The following DLGAP2 variants were observed in gnomAD, a reference collection of about 807,000 sequenced individuals.
The protein encoded by DLGAP2 is DLG associated protein 2, also known as disks large-associated protein 2.
Under a neutral mutation model 100.3 loss-of-function variants are expected in DLGAP2, and 26 were observed. The ratio of observed to expected loss-of-function variants is 0.26; its 90% CI spans 0.19 to 0.36. The LOEUF (loss-of-function observed/expected upper bound fraction) is 0.36, where lower values mean the gene tolerates loss of function less well. Ranked by LOEUF, DLGAP2 falls within the 10% of genes least tolerant of loss-of-function variation. The pLI, the probability that DLGAP2 is intolerant of heterozygous loss-of-function variation, is 1.00. For synonymous variants in DLGAP2, 886 were observed against 630.1 expected, an observed-to-expected ratio of 1.41 and a Z score of -6.08; for missense variants, 1,858 against 1,453.2, an observed-to-expected ratio of 1.28 and a Z score of -4.53.
intron 1 of DLGAP2, among the ~76,000 whole-genome samples, chr8:841,580 T>G (rs1295666640): frequency 6.6e-6 from 1 of 151,592 alleles, no homozygotes; most frequent in Admixed American, 6.6e-5. Flanking sequence ...TACATGTGAT[T>G]TTTTTTTTGA....
At chr8:923,463 C>G (rs1294195152) in intron 2 of DLGAP2, among the ~76,000 whole-genome samples, 1 of 152,190 alleles carries the variant, frequency 6.6e-6, no homozygotes, top group African/African-American at 2.4e-5. Context: ...TACCTTCCGC[C>G]CAGGAGCTGG....
intron 2 of DLGAP2, among the ~76,000 whole-genome samples, chr8:908,471 A>G (rs1406232492): frequency 1.3e-5 from 2 of 152,122 alleles, no homozygotes; most frequent in African/African-American, 2.4e-5. Flanking sequence ...GAAGTGGGAG[A>G]TGCATCTCTG....
intron 8 of DLGAP2, among the ~76,000 whole-genome samples, chr8:1,637,051 G>A (rs946544963): frequency 5.9e-5 from 9 of 152,310 alleles, no homozygotes; most frequent in African/African-American, 1.4e-4. Flanking sequence ...AGGAATACCC[G>A]TCTGGCCGCC....
intron 1 of DLGAP2, among the ~76,000 whole-genome samples, chr8:878,273 A>G (rs1797721928): frequency 6.6e-6 from 1 of 152,152 alleles, no homozygotes. Flanking sequence ...AGAATACGGG[A>G]TATAGAACAG....
At chr8:904,792 C>T (rs1415587946) in intron 1 of DLGAP2, among the ~76,000 whole-genome samples, 1 of 152,250 alleles carries the variant, frequency 6.6e-6, no homozygotes, top group East Asian at 1.9e-4. Context: ...TGATCTTTCT[C>T]AGCTGCTAAA....
Position 1,193,591 on chromosome 8 carries a change from A to G in DLGAP2, c.74-65260A>G, listed in dbSNP as rs147924568. ...AAGCTGGATATACGCTGCTGTGTCC[A>G]CACACCACCCCATTATCTGTGTGTC... On this transcript the variant is annotated intron_variant, in intron 2 of 14. Transcript: ENST00000637795. Among the ~76,000 whole-genome samples, 542 of 152,278 alleles carry G rather than the reference A, an allele frequency of 3.6e-3. 6 individuals are homozygous for G. The highest frequency in any genetic ancestry group is 0.012 in the African/African-American group (492 of 41,568).
At chr8:1,307,181 C>T (rs1429180793) in intron 3 of DLGAP2, among the ~76,000 whole-genome samples, 1 of 77,756 alleles carries the variant, frequency 1.3e-5, no homozygotes. Flanking sequence ...ATTTAAATAA[C>T]TACAACAGCA....
At chr8:1,597,252 G>T (rs1240010997) in intron 6 of DLGAP2, among the ~76,000 whole-genome samples, 3 of 152,090 alleles carry the variant, frequency 2.0e-5, no homozygotes, top group African/African-American at 7.2e-5. Context: ...GTACCATCCT[G>T]TTTGGTTACT....
At chr8:931,994 A>G (rs1309445165) in intron 2 of DLGAP2, among the ~76,000 whole-genome samples, 1 of 152,142 alleles carries the variant, frequency 6.6e-6, no homozygotes, top group Non-Finnish European at 1.5e-5. Flanking sequence ...TTATTTGTTA[A>G]TCTTTCTTTT....
intron 2 of DLGAP2, among the ~76,000 whole-genome samples, chr8:954,218 C>T (rs113090617): frequency 3.9e-5 from 6 of 152,222 alleles, no homozygotes; most frequent in African/African-American, 1.4e-4. Flanking sequence ...TGAGAAAATT[C>T]GAGATCTATT....
Position 1,464,346 on chromosome 8 carries a change from ACGGCACCC to A in DLGAP2, c.107-37019_107-37012del, listed in dbSNP as rs1402282048. 5.0e-3 allele frequency among the ~76,000 whole-genome samples: 743 copies of A among 149,534 alleles called. 53 individuals are homozygous for A. The highest frequency in any genetic ancestry group is 6.9e-3 in the Middle Eastern group (2 of 288). Reference sequence around the variant, plus strand: ...CCTTCCAGGACGGCACCCTTCCAGGACGGCACCCTTCCAGGACAACGCCCTTCCAGGAT... The same window carrying A: ...CCTTCCAGGACGGCACCCTTCCAGGATTCCAGGACAACGCCCTTCCAGGAT... On this transcript the variant is annotated intron_variant, in intron 3 of 14. Coordinates refer to ENST00000637795, the MANE Select transcript of DLGAP2 (RefSeq NM_001346810.2).
chr8:1,497,684 C>T (rs767493545), intron 3 of DLGAP2, among the ~76,000 whole-genome samples: 8 of 152,182 alleles, frequency 5.3e-5, no homozygotes, highest in Non-Finnish European at 8.8e-5. Flanking sequence ...TATGGCCTGT[C>T]CAGGCGAACA....
chr8:1,024,550 T>C (rs543149258), intron 2 of DLGAP2, among the ~76,000 whole-genome samples: 1 of 152,178 alleles, frequency 6.6e-6, no homozygotes, highest in Admixed American at 6.5e-5. Context: ...GGGGCGGCTC[T>C]TCCCCCGCTG....
At chr8:784,552 A>G (rs1474127422) in intron 1 of DLGAP2, among the ~76,000 whole-genome samples, 1 of 152,238 alleles carries the variant, frequency 6.6e-6, no homozygotes, top group Non-Finnish European at 1.5e-5. Flanking sequence ...TCAAGTTGAT[A>G]TGGTGGATTG....
chr8:1,583,829 C>T (rs1005444683), intron 6 of DLGAP2, among the ~76,000 whole-genome samples: 3 of 152,100 alleles, frequency 2.0e-5, no homozygotes, highest in Non-Finnish European at 4.4e-5. Flanking sequence ...TTTGCCTGAT[C>T]CCAGTGCAGA....
chr8:1,251,079 T>A (rs1799028884), intron 2 of DLGAP2, among the ~76,000 whole-genome samples: 3 of 152,214 alleles, frequency 2.0e-5, no homozygotes, highest in African/African-American at 7.2e-5. Context: ...AATTAGAAAT[T>A]AACCCATGTT....
At position 1,567,604 on chromosome 8, in the gene DLGAP2, A is replaced by G. The variant is rs573415126; in HGVS notation, c.1442+1710A>G. Reference sequence around the variant, plus strand: ...CTGCCACGGGTCCCCCAGGATCATTATCACCTCATTCTTCAGTGGCAGAGA... The same window carrying G: ...CTGCCACGGGTCCCCCAGGATCATTGTCACCTCATTCTTCAGTGGCAGAGA... On this transcript the variant is annotated intron_variant, in intron 6 of 14. Transcript: ENST00000637795. Among the ~76,000 whole-genome samples the G allele has an allele frequency of 1.1e-4, 16 of 152,306 alleles. No individual in the cohort carries two copies. In the East Asian group the frequency reaches 2.5e-3, roughly 24 times the overall value.
intron 3 of DLGAP2, among the ~76,000 whole-genome samples, chr8:1,264,944 G>T (rs1434976320): frequency 6.6e-6 from 1 of 152,134 alleles, no homozygotes; most frequent in African/African-American, 2.4e-5. Context: ...CCCTGCACAT[G>T]GTCTCTTGCC....
At chr8:1,341,269 T>C (rs533230736) in intron 3 of DLGAP2, among the ~76,000 whole-genome samples, 4 of 152,232 alleles carry the variant, frequency 2.6e-5, no homozygotes, top group Non-Finnish European at 5.9e-5. Flanking sequence ...CAAATAAGTT[T>C]TCAAATATTC....
Sources: gnomAD v4.1 joint callset for allele counts (sites outside exome capture counted in the v4.1 genomes callset) on GRCh38, gnomAD v4.1.1 for gene constraint, MANE v1.5 for transcripts, NCBI Gene and HGNC (gene_info 2026-07-23, HGNC 2026-07-21) for gene names.